Variants in ABCC9 observed in about 807,000 individuals in gnomAD.
ABCC9 encodes the protein ATP-binding cassette sub-family C member 9.
ABCC9 carries 95 observed loss-of-function variants against 188.3 expected under a neutral mutation model. That is an observed-to-expected ratio of 0.50 (90% confidence interval 0.43 to 0.60). The LOEUF is 0.60. Among genes scored for constraint, ABCC9 ranks in the 20% least tolerant of loss-of-function variants. The pLI, the probability that ABCC9 is intolerant of heterozygous loss-of-function variation, is 0.00. For missense variants in ABCC9, 1,102 were observed against 1,876.3 expected (o/e 0.59, Z 7.62); for synonymous variants, 659 against 652.7 (o/e 1.01, Z -0.15).
rs1036892577 is a variant in ABCC9 at position 21,798,454 on chromosome 12, A to G, written c.*2590T>C. 1.3e-5 allele frequency: 2 copies of G among 150,652 alleles called. No homozygotes were observed. The highest frequency in any genetic ancestry group is 4.9e-5 in the African/African-American group (2 of 40,812). The allele number at this position is 150,652 out of a possible 1,614,324, so 9.3% of individuals were successfully genotyped here. ...TTTCATGTGTTTTTTGGCTGCATAAATGTCTTCTTTTGAGAAGTGTCTGTT... is the reference window on the plus strand; with the variant it reads ...TTTCATGTGTTTTTTGGCTGCATAAGTGTCTTCTTTTGAGAAGTGTCTGTT... On this transcript the variant is annotated 3_prime_UTR_variant, in exon 40 of 40. Transcript: ENST00000261200.
intron 5 of ABCC9, among the ~76,000 whole-genome samples, chr12:21,921,953 A>G (rs1948837521): frequency 6.6e-6 from 1 of 152,132 alleles, no homozygotes; most frequent in South Asian, 2.1e-4. Context: ...TGCCAGTACC[A>G]TGCCATTTTG....
At chr12:21,893,715 A>G (rs1947279049) in intron 14 of ABCC9, among the ~76,000 whole-genome samples, 1 of 152,206 alleles carries the variant, frequency 6.6e-6, no homozygotes, top group South Asian at 2.1e-4. Flanking sequence ...TAATTGTTAA[A>G]TAAATTAGAA....
At chr12:21,872,777 G>A (rs749753023) in intron 17 of ABCC9, 47 bp from the exon 18 acceptor site, 48 of 1,380,942 alleles carry the variant, frequency 3.5e-5, no homozygotes, top group Non-Finnish European at 5.0e-5. Context: ...ATGGATTCTT[G>A]GTGAAATAAC....
intron 20 of ABCC9, 30 bp from the exon 21 acceptor site, chr12:21,861,085 A>G (rs1299109023): frequency 1.3e-6 from 2 of 1,540,432 alleles, no homozygotes; most frequent in Admixed American, 1.7e-5. Context: ...GAATTTTTAG[A>G]TCTCAATTAA....
In ABCC9 at chr12:21,932,554, A is replaced by G. The variant is rs2138051939; in HGVS notation, c.284+1228T>C. ...ATGTAATATCCAGCATCTATAAGGA[A>G]CTTACACAAATTTACAAGAAAAAAA... On this transcript the variant is annotated intron_variant, in intron 4 of 39. Transcript: ENST00000261200. Among the ~76,000 whole-genome samples the G allele has an allele frequency of 1.3e-5, 2 of 152,316 alleles. 1 individual carries two copies. Among genetic ancestry groups the G allele is most frequent in the East Asian group, 3.9e-4 (2 of 5,184 alleles).
chr12:21,897,350 T>G (rs528801694), intron 12 of ABCC9, among the ~76,000 whole-genome samples: 1 of 152,316 alleles, frequency 6.6e-6, no homozygotes, highest in African/African-American at 2.4e-5. Context: ...AAACATTTCC[T>G]CCCATTTTGT....
chr12:21,888,216 T>C lies in ABCC9; in HGVS notation c.1803-282A>G, dbSNP rs113645268. On this transcript the variant is annotated intron_variant, in intron 14 of 39. Coordinates refer to ENST00000261200, the MANE Select transcript of ABCC9 (RefSeq NM_020297.4). The stretch of plus-strand genomic sequence containing the variant: ...TAAATTCAACAGAACCTTCTTTGCA[T>C]TTTTTTTGCAATTATATTCCTTGTC... Among the ~76,000 whole-genome samples, 2,369 of 151,742 alleles carry C rather than the reference T, an allele frequency of 0.016. 66 individuals are homozygous for C. Among genetic ancestry groups the C allele is most frequent in the African/African-American group, 0.055 (2,255 of 41,316 alleles).
intron 32 of ABCC9, among the ~76,000 whole-genome samples, chr12:21,817,792 CTTG>C (rs1942744099): frequency 1.3e-5 from 2 of 152,122 alleles, no homozygotes; most frequent in African/African-American, 4.8e-5. Flanking sequence ...AAGATGTAAT[CTTG>C]TTATGAATTT....
intron 15 of ABCC9, among the ~76,000 whole-genome samples, chr12:21,884,921 A>G (rs1170124946): frequency 6.6e-6 from 1 of 152,178 alleles, no homozygotes; most frequent in Admixed American, 6.5e-5. Context: ...TATTTTCCAT[A>G]CAAAACAGGT....
intron 30 of ABCC9, among the ~76,000 whole-genome samples, chr12:21,834,555 G>A (rs1943960117): frequency 6.6e-6 from 1 of 151,972 alleles, no homozygotes. Context: ...AATTTCAGCT[G>A]ACCACTTAAG....
chr12:21,828,742 G>A (rs1315150899), intron 31 of ABCC9, among the ~76,000 whole-genome samples: 1 of 152,162 alleles, frequency 6.6e-6, no homozygotes, highest in Non-Finnish European at 1.5e-5. Context: ...AACACAAAAT[G>A]AATTTTTGCT....
At chr12:21,841,359 T>C (rs1271534404) in intron 29 of ABCC9, among the ~76,000 whole-genome samples, 11 of 131,240 alleles carry the variant, frequency 8.4e-5, no homozygotes, top group Non-Finnish European at 1.1e-4. Context: ...TTTTTTTTTT[T>C]TTTTTTTTTT....
Position 21,872,562 on chromosome 12 carries a change from C to A in ABCC9, c.2198+63G>T, listed in dbSNP as rs576548402. The A allele has an allele frequency of 1.2e-5, 15 of 1,291,962 alleles. No individual in the cohort carries two copies. The African/African-American group carries it at 1.9e-4, about 16-fold the overall frequency. 80.0% of individuals were successfully genotyped at this position (1,291,962 alleles called of 1,614,324 possible). On this transcript the variant is annotated intron_variant, in intron 18 of 39. Coordinates refer to ENST00000261200, the MANE Select transcript of ABCC9 (RefSeq NM_020297.4). ...ACATGTAAATGTATTTGTCTAAGTTCTTTCCTTGGAAGATTATCAGATGTA... is the reference window on the plus strand; with the variant it reads ...ACATGTAAATGTATTTGTCTAAGTTATTTCCTTGGAAGATTATCAGATGTA...
At chr12:21,842,888 T>C (rs1384456654) in intron 28 of ABCC9, among the ~76,000 whole-genome samples, 1 of 152,212 alleles carries the variant, frequency 6.6e-6, no homozygotes, top group Non-Finnish European at 1.5e-5. Flanking sequence ...TGTAATTGCT[T>C]CCTCGTATCC....
chr12:21,930,910 T>C (rs1273759011), intron 4 of ABCC9, among the ~76,000 whole-genome samples: 1 of 152,124 alleles, frequency 6.6e-6, no homozygotes, highest in Non-Finnish European at 1.5e-5. Flanking sequence ...GGGGGAAAGA[T>C]GTATATAGGG....
At chr12:21,884,381 C>A (rs971532559) in intron 15 of ABCC9, among the ~76,000 whole-genome samples, 2 of 152,178 alleles carry the variant, frequency 1.3e-5, no homozygotes, top group African/African-American at 4.8e-5. Flanking sequence ...CCATAATTAT[C>A]TTCCTACTCA....
chr12:21,930,300 G>A (rs1949230008), intron 4 of ABCC9, among the ~76,000 whole-genome samples: 1 of 152,044 alleles, frequency 6.6e-6, no homozygotes, highest in Non-Finnish European at 1.5e-5. Flanking sequence ...TGGGACCATA[G>A]AATTCTTCTG....
rs1489393846 is a variant in ABCC9, at chr12:21,798,588, G to A, written c.*2456C>T. On this transcript the variant is annotated 3_prime_UTR_variant, in exon 40 of 40. Coordinates refer to ENST00000261200, the MANE Select transcript of ABCC9 (RefSeq NM_020297.4). ...GCCCTTTGTCAGATGAGTAGGTTGC[G>A]AAAATTTTCTCCCATGTTGTAGGTT... The A allele has an allele frequency of 2.7e-5, 4 of 150,692 alleles. No individual in the cohort carries two copies. The highest frequency in any genetic ancestry group is 3.0e-5 in the Non-Finnish European group (2 of 67,648). The allele number at this position is 150,692 out of a possible 1,614,324, so 9.3% of individuals were successfully genotyped here. A position where few individuals can be genotyped will look rare whatever the true frequency, so the allele number is the denominator to read the frequency against.
intron 16 of ABCC9, among the ~76,000 whole-genome samples, chr12:21,882,489 C>T (rs187165240): frequency 3.2e-4 from 48 of 152,218 alleles, no homozygotes; most frequent in Admixed American, 1.3e-3. Context: ...CATAGGAATA[C>T]CAGAAAAAAT....
Sources: gnomAD v4.1 joint callset for allele counts (sites outside exome capture counted in the v4.1 genomes callset) on GRCh38, gnomAD v4.1.1 for gene constraint, MANE v1.5 for transcripts, NCBI Gene and HGNC (gene_info 2026-07-23, HGNC 2026-07-21) for gene names.